Variants in SLC35F6 observed in about 807,000 individuals in gnomAD.
The protein encoded by SLC35F6 is solute carrier family 35 member F6.
Under a neutral mutation model 29.4 loss-of-function variants are expected in SLC35F6, and 26 were observed. The observed-to-expected ratio is 0.89, with a 90% CI of 0.65 to 1.23. SLC35F6 has a LOEUF of 1.23. Ranked by LOEUF, SLC35F6 falls within the 50% of genes most tolerant of loss-of-function variation. The pLI is 0.00. For synonymous variants in SLC35F6, 174 were observed against 206.6 expected (o/e 0.84, Z 1.35); for missense variants, 428 against 487.8 (o/e 0.88, Z 1.15).
chr2:26,771,122 C>T (rs1194738517), intron 1 of SLC35F6, among the ~76,000 whole-genome samples: 1 of 152,200 alleles, frequency 6.6e-6, no homozygotes, highest in Non-Finnish European at 1.5e-5. Flanking sequence ...AAGACAACCC[C>T]TGTGGGAGGT....
In SLC35F6 at chr2:26,773,363, C is replaced by T. The variant is rs539915740; in HGVS notation, c.78-888C>T. Among the ~76,000 whole-genome samples, 5 of 151,728 alleles carry T rather than the reference C, an allele frequency of 3.3e-5. No homozygotes were observed. The East Asian group carries it at 9.9e-4, about 30-fold the overall frequency. On this transcript the variant is annotated intron_variant, in intron 1 of 5. Transcript: ENST00000344420. ...AAAATACAAAAAAAAATTAGCCAGG[C>T]GTGGTGTCGGGCGCCTGTAGTCCCA...
At chr2:26,771,174 C>T (rs948519080) in intron 1 of SLC35F6, among the ~76,000 whole-genome samples, 3 of 152,216 alleles carry the variant, frequency 2.0e-5, no homozygotes, top group Admixed American at 6.5e-5. Context: ...CCCCAAGAAG[C>T]GCCCCAGCCT....
intron 5 of SLC35F6, among the ~76,000 whole-genome samples, chr2:26,777,472 G>C (rs779636556): frequency 6.6e-6 from 1 of 152,204 alleles, no homozygotes; most frequent in Non-Finnish European, 1.5e-5. Flanking sequence ...AAGGGACTTA[G>C]GCAGAATGTG....
Position 26,775,962 on chromosome 2 carries a change from G to C in SLC35F6, c.535+286G>C, listed in dbSNP as rs2148059046. On this transcript the variant is annotated intron_variant, in intron 4 of 5. Coordinates refer to ENST00000344420, the MANE Select transcript of SLC35F6 (RefSeq NM_017877.4). The surrounding 1 kb of genome is among the most constrained non-coding windows in gnomAD (Gnocchi z 4.6). Reference sequence around the variant, plus strand: ...GTGGAAAGGAACAGGTGCTTACCAAGTGCCCAGCCTGGTGCTGAGCACTGT... The same window carrying C: ...GTGGAAAGGAACAGGTGCTTACCAACTGCCCAGCCTGGTGCTGAGCACTGT... Among the ~76,000 whole-genome samples the C allele has an allele frequency of 6.6e-6, 1 of 152,308 alleles. No homozygotes were observed. The highest frequency in any genetic ancestry group is 1.9e-4 in the East Asian group (1 of 5,176).
chr2:26,778,613 C>A lies in SLC35F6; in HGVS notation c.*102C>A, dbSNP rs934585900. On this transcript the variant is annotated 3_prime_UTR_variant, in exon 6 of 6. Transcript: ENST00000344420. The stretch of plus-strand genomic sequence containing the variant: ...GAATGCCCTATCCCCAAGGCCTCAC[C>A]CTGTCCCCTCCCTGCAGAACCCCCA... The A allele has an allele frequency of 1.8e-6, 2 of 1,137,122 alleles. No individual in the cohort carries two copies. Among genetic ancestry groups the A allele is most frequent in the Non-Finnish European group, 1.2e-6 (1 of 826,116 alleles). 70.4% of individuals were successfully genotyped at this position (1,137,122 alleles called of 1,614,324 possible).
At chr2:26,774,642 C>T (rs1664263680) in intron 2 of SLC35F6, among the ~76,000 whole-genome samples, 1 of 152,252 alleles carries the variant, frequency 6.6e-6, no homozygotes, top group Non-Finnish European at 1.5e-5. Flanking sequence ...TGGGACAGGG[C>T]AGACACCATA....
At position 26,775,399 on chromosome 2, in the gene SLC35F6, G is replaced by C; in HGVS notation, c.323-65G>C. On this transcript the variant is annotated intron_variant, in intron 3 of 5. Transcript: ENST00000344420. The surrounding 1 kb of genome is among the most constrained non-coding windows in gnomAD (Gnocchi z 4.6). ...TGAGCTTGGCATGTCTATCACCAAA[G>C]ACCCCTTAGTGACAGATGGCCTTCG... The C allele has an allele frequency of 1.3e-6, 2 of 1,572,210 alleles. No individual in the cohort carries two copies. The highest frequency in any genetic ancestry group is 1.7e-6 in the Non-Finnish European group (2 of 1,157,546).
chr2:26,774,605 C>T (rs1218218220), intron 2 of SLC35F6, among the ~76,000 whole-genome samples: 2 of 152,252 alleles, frequency 1.3e-5, no homozygotes, highest in African/African-American at 2.4e-5. Context: ...AGTCAGCTCT[C>T]TATCCACTGG....
At chr2:26,777,743 AGT>A (rs34163276) in intron 5 of SLC35F6, among the ~76,000 whole-genome samples, 29 of 150,226 alleles carry the variant, frequency 1.9e-4, no homozygotes, top group Admixed American at 9.3e-4. Context: ...TGTTTTTATG[AGT>A]GTGTGTGTGT....
rs1038023227 is a variant in SLC35F6, at chr2:26,780,790, G to C, written c.*2279G>C. On this transcript the variant is annotated 3_prime_UTR_variant, in exon 6 of 6. Coordinates refer to ENST00000344420, the MANE Select transcript of SLC35F6 (RefSeq NM_017877.4). ...ACCAAGCAGCCTTTGGTCCAGTGCT[G>C]CTCCTTGGAACAGTTGAGTGTGGCC... is the stretch of plus-strand genomic sequence containing the variant. 7.9e-5 allele frequency: 12 copies of C among 152,288 alleles called. No individual in the cohort carries two copies. The highest frequency in any genetic ancestry group is 2.4e-4 in the African/African-American group (10 of 41,456). The allele number at this position is 152,288 out of a possible 1,614,324, so 9.4% of individuals were successfully genotyped here.
chr2:26,764,582 C>T (rs1269755858), intron 1 of SLC35F6, among the ~76,000 whole-genome samples, 156 bp downstream of exon 1: 2 of 152,196 alleles, frequency 1.3e-5, no homozygotes, highest in African/African-American at 4.8e-5. Context: ...ATGCGAGGCC[C>T]GGGGAAATGC....
intron 2 of SLC35F6, among the ~76,000 whole-genome samples, chr2:26,774,739 A>G (rs937830062): frequency 6.6e-6 from 1 of 152,140 alleles, no homozygotes; most frequent in Admixed American, 6.5e-5. Flanking sequence ...GTGGCCTTAC[A>G]TAAGTCTTTG....
chr2:26,769,208 C>T (rs985395662), intron 1 of SLC35F6, among the ~76,000 whole-genome samples: 11 of 152,234 alleles, frequency 7.2e-5, no homozygotes, highest in Non-Finnish European at 1.5e-4. Flanking sequence ...CCCCCGTTCA[C>T]GTGGACGTGC....
At position 26,776,420 on chromosome 2, in the gene SLC35F6, T is replaced by C. The variant is rs1664301522; in HGVS notation, c.584T>C (p.Val195Ala). The C allele has an allele frequency of 2.5e-6, 4 of 1,613,968 alleles. No homozygotes were observed. Among genetic ancestry groups the C allele is most frequent in the Non-Finnish European group, 3.4e-6 (4 of 1,180,008 alleles). Reference sequence around the variant, plus strand: ...CAGATCATCGTTGCCATCCAGATGGTGCTAGAGGAGAAGTTCGTCTACAAA... The same window carrying C: ...CAGATCATCGTTGCCATCCAGATGGCGCTAGAGGAGAAGTTCGTCTACAAA... ...MAQIIVAIQMVLEEKFVYKHN... is the reference protein window; with the variant it reads ...MAQIIVAIQMALEEKFVYKHN... The change falls in exon 5 of 6, where the codon GTG (valine) becomes GCG (alanine). Residue 195 changes from valine to alanine, a missense_variant. By Grantham distance (64) the Val-to-Ala change is moderately conservative. Transcript: ENST00000344420.
chr2:26,767,892 T>A (rs1174042457), intron 1 of SLC35F6, among the ~76,000 whole-genome samples: 1 of 152,180 alleles, frequency 6.6e-6, no homozygotes, highest in Non-Finnish European at 1.5e-5. Context: ...GTCAAGTAGA[T>A]GCTCACTAAG....
Position 26,775,478 on chromosome 2 carries a change from A to T in SLC35F6, c.337A>T (p.Ser113Cys). 1 of 1,612,170 alleles carries T rather than the reference A, an allele frequency of 6.2e-7. No homozygotes were observed. Among genetic ancestry groups the T allele is most frequent in the Non-Finnish European group, 8.5e-7 (1 of 1,179,820 alleles). ...SLMYVALNMT[S>C]ASSFQMLRGA... is the part of the protein sequence containing the mutation. ...TCCTTTCCTAGCTCTGAACATGACC[A>T]GTGCCTCCAGCTTCCAGATGCTGCG... Residue 113 changes from serine to cysteine, a missense_variant, in exon 4 of 6, where the codon AGT becomes TGT. Ser to Cys is a moderately radical substitution (Grantham distance 112, BLOSUM62 -1). Coordinates refer to ENST00000344420, the MANE Select transcript of SLC35F6 (RefSeq NM_017877.4). This position sits in a 1 kb window ranked among gnomAD's most constrained non-coding sequence, Gnocchi z 4.6.
intron 1 of SLC35F6, among the ~76,000 whole-genome samples, chr2:26,772,274 G>A (rs1376321170): frequency 3.9e-5 from 6 of 152,264 alleles, no homozygotes; most frequent in South Asian, 2.1e-4. Context: ...GGACTCCCCC[G>A]CCCTTTGGGA....
Position 26,775,109 on chromosome 2 carries a change from T to C in SLC35F6, c.216T>C (p.Ala72=), listed in dbSNP as rs1350844208. The C allele has an allele frequency of 1.2e-6, 2 of 1,614,148 alleles. No homozygotes were observed. The highest frequency in any genetic ancestry group is 1.7e-6 in the Non-Finnish European group (2 of 1,180,022). ...LAAFYLLRCR[A]AGQSDSSVDP... ...CCTTCTACCTCCTCCGATGCAGAGC[T>C]GCAGGGCAATCAGACTCCAGCGTAG... The change falls in exon 3 of 6, where the codon GCT becomes GCC. Residue 72 remains alanine, a synonymous_variant. Transcript: ENST00000344420. This position sits in a 1 kb window ranked among gnomAD's most constrained non-coding sequence, Gnocchi z 4.6.
rs778170413 is a variant in SLC35F6, at chr2:26,775,256, T to C, written c.322+41T>C. 1.3e-6 allele frequency: 2 copies of C among 1,592,580 alleles called. No individual in the cohort carries two copies. Among genetic ancestry groups the C allele is most frequent in the Non-Finnish European group, 1.7e-6 (2 of 1,167,764 alleles). ...AGGCTGAGAAGGGCTCAGGGGAAGC[T>C]GTGGCTGAAGGGGCTACTGGTGAAA... On this transcript the variant is annotated intron_variant, in intron 3 of 5. Transcript: ENST00000344420. This position sits in a 1 kb window ranked among gnomAD's most constrained non-coding sequence, Gnocchi z 4.6.
Sources: allele counts gnomAD v4.1 joint callset (sites outside exome capture counted in the v4.1 genomes callset), GRCh38; gene constraint gnomAD v4.1.1; non-coding constraint Gnocchi (gnomAD v3.1); transcripts MANE v1.5; gene names NCBI Gene and HGNC (gene_info 2026-07-23, HGNC 2026-07-21).